DGKI: variants seen among roughly 807,000 people sequenced by gnomAD.
The protein encoded by DGKI is diacylglycerol kinase iota, also known as DAG kinase iota.
In DGKI, 55 loss-of-function variants were observed where a neutral mutation model predicts 147.5. That is an observed-to-expected ratio of 0.37 (90% confidence interval 0.30 to 0.47). The LOEUF (loss-of-function observed/expected upper bound fraction) is 0.47, where lower values mean the gene tolerates loss of function less well. Ranked by LOEUF, DGKI falls within the 20% of genes least tolerant of loss-of-function variation. The probability of loss-of-function intolerance (pLI) is 1.00; values close to 1 mark genes in which losing one functional copy is unlikely to be tolerated. For synonymous variants in DGKI, 469 were observed against 477.1 expected (o/e 0.98, Z 0.22); for missense variants, 1,007 against 1,323.8 (o/e 0.76, Z 3.71).
rs1434272494 is a variant in DGKI, at chr7:137,597,906, G to A, written c.1252C>T (p.Leu418Phe). 1 of 1,613,106 alleles carries A rather than the reference G, an allele frequency of 6.2e-7. No individual in the cohort carries two copies. The highest frequency in any genetic ancestry group is 1.7e-5 in the Admixed American group (1 of 59,964). Residue 418 changes from leucine to phenylalanine, a missense_variant and splice_region_variant, in exon 12 of 33, where the codon CTT becomes TTT. By Grantham distance (22) the Leu-to-Phe change is conservative (BLOSUM62 0). Transcript: ENST00000614521. Reference protein sequence around the residue: ...DLSQEGPKDALELYRKVPNLR... With the variant: ...DLSQEGPKDAFELYRKVPNLR... ...TTTGGTACTTTCCTATACAATTCAA[G>A]CCTGTAGAGGAAATAGAAGAAAAAG...
intron 1 of DGKI, among the ~76,000 whole-genome samples, chr7:137,765,414 C>T (rs936857293): frequency 1.6e-4 from 24 of 152,280 alleles, no homozygotes; most frequent in South Asian, 1.2e-3. Flanking sequence ...TTTTTGTCAT[C>T]GATTACATTG....
At chr7:137,623,351 A>C (rs994756145) in intron 7 of DGKI, 132 bp downstream of exon 7, 1 of 805,856 alleles carries the variant, frequency 1.2e-6, no homozygotes, top group African/African-American at 1.7e-5. Context: ...TCTTCCTCCA[A>C]GGATCCTATA....
At chr7:137,840,670 C>T (rs982287075) in intron 1 of DGKI, among the ~76,000 whole-genome samples, 1 of 152,200 alleles carries the variant, frequency 6.6e-6, no homozygotes, top group Non-Finnish European at 1.5e-5. Context: ...TAAACAGTAA[C>T]GCAGTCCTGG....
chr7:137,771,303 C>T (rs1279659977), intron 1 of DGKI, among the ~76,000 whole-genome samples: 2 of 152,112 alleles, frequency 1.3e-5, no homozygotes, highest in Non-Finnish European at 2.9e-5. Context: ...GTTGGCCAGG[C>T]TGGTCTCAAA....
intron 1 of DGKI, among the ~76,000 whole-genome samples, chr7:137,716,094 G>A (rs1221747931): frequency 6.6e-6 from 1 of 152,166 alleles, no homozygotes; most frequent in African/African-American, 2.4e-5. Context: ...GGAGGTCACA[G>A]ACAAAAGGGA....
chr7:137,621,266 CT>C (rs889986935), intron 7 of DGKI, among the ~76,000 whole-genome samples: 5 of 151,958 alleles, frequency 3.3e-5, no homozygotes, highest in South Asian at 2.1e-4. Context: ...TTAAAAATTG[CT>C]TTTTTTTCTT....
chr7:137,508,908 T>C (rs1241458279), intron 21 of DGKI, among the ~76,000 whole-genome samples: 3 of 152,100 alleles, frequency 2.0e-5, no homozygotes, highest in African/African-American at 4.8e-5. Context: ...CATCCTGACA[T>C]AGAACAATTA....
At chr7:137,649,235 GA>G (rs1352490762) in intron 5 of DGKI, among the ~76,000 whole-genome samples, 3 of 152,020 alleles carry the variant, frequency 2.0e-5, no homozygotes, top group African/African-American at 7.2e-5. Flanking sequence ...CATCGATAAG[GA>G]AAAAAAGTTA....
At chr7:137,799,003 C>T (rs1797116124) in intron 1 of DGKI, among the ~76,000 whole-genome samples, 1 of 152,064 alleles carries the variant, frequency 6.6e-6, no homozygotes, top group African/African-American at 2.4e-5. Context: ...AGGGAACGTC[C>T]TCAACCTAAT....
intron 1 of DGKI, among the ~76,000 whole-genome samples, chr7:137,782,413 C>T (rs1010347526): frequency 2.0e-5 from 3 of 152,140 alleles, no homozygotes; most frequent in Admixed American, 1.3e-4. Flanking sequence ...CTGGGAACCA[C>T]ACCCCCATCC....
intron 1 of DGKI, among the ~76,000 whole-genome samples, chr7:137,781,327 G>C (rs969697784): frequency 2.0e-5 from 3 of 152,164 alleles, no homozygotes; most frequent in African/African-American, 7.2e-5. Flanking sequence ...CTTAGCAATG[G>C]GGGGAGGGTA....
intron 12 of DGKI, among the ~76,000 whole-genome samples, chr7:137,595,456 C>T (rs143410654): frequency 1.3e-5 from 2 of 152,296 alleles, no homozygotes; most frequent in East Asian, 3.9e-4. Flanking sequence ...TTTCTTGAAA[C>T]TCCTTTTTTG....
intron 21 of DGKI, among the ~76,000 whole-genome samples, chr7:137,508,848 AAAAG>A (rs1816468778): frequency 6.6e-6 from 1 of 152,134 alleles, no homozygotes; most frequent in African/African-American, 2.4e-5. Context: ...AGGGAAAAGA[AAAAG>A]AAACTGTTCT....
chr7:137,433,253 C>A (rs1813149458), intron 28 of DGKI, among the ~76,000 whole-genome samples: 1 of 152,176 alleles, frequency 6.6e-6, no homozygotes, highest in East Asian at 1.9e-4. Context: ...CTACAGCATA[C>A]AGGTTAAAGT....
At chr7:137,406,958 AG>A (rs1328001166) in intron 30 of DGKI, among the ~76,000 whole-genome samples, 1 of 139,086 alleles carries the variant, frequency 7.2e-6, no homozygotes, top group Non-Finnish European at 1.6e-5. Flanking sequence ...AGGAGCAAAA[AG>A]GATGTGAATG....
At chr7:137,404,496 G>C (rs1014422898) in intron 30 of DGKI, among the ~76,000 whole-genome samples, 1 of 152,178 alleles carries the variant, frequency 6.6e-6, no homozygotes, top group African/African-American at 2.4e-5. Context: ...AAAATGCGGT[G>C]ATCCTTGGAC....
chr7:137,768,920 G>A (rs1048713213), intron 1 of DGKI, among the ~76,000 whole-genome samples: 1 of 152,160 alleles, frequency 6.6e-6, no homozygotes, highest in East Asian at 1.9e-4. Context: ...AAGATGAGGT[G>A]TTAGCACTCT....
chr7:137,570,712 C>T (rs1818764219), intron 19 of DGKI, among the ~76,000 whole-genome samples: 1 of 152,018 alleles, frequency 6.6e-6, no homozygotes, highest in African/African-American at 2.4e-5. Context: ...CTGCATCAGC[C>T]TCCCAAGTAG....
intron 26 of DGKI, 21 bp downstream of exon 26, chr7:137,465,887 G>A: frequency 5.6e-6 from 9 of 1,612,070 alleles, no homozygotes; most frequent in Non-Finnish European, 7.6e-6. Flanking sequence ...CAGCCTCACA[G>A]GCCAGGAGAA....
Sources: allele counts gnomAD v4.1 joint callset (sites outside exome capture counted in the v4.1 genomes callset), GRCh38; gene constraint gnomAD v4.1.1; transcripts MANE v1.5; gene names NCBI Gene and HGNC (gene_info 2026-07-23, HGNC 2026-07-21).